The following AHNAK2 variants were observed in gnomAD, a reference collection of about 807,000 sequenced individuals.
AHNAK2 encodes the protein AHNAK nucleoprotein 2, also known as protein AHNAK2.
AHNAK2 carries 18 observed loss-of-function variants against 30.7 expected under a neutral mutation model. That is an observed-to-expected ratio of 0.59 (90% CI 0.41 to 0.87). The LOEUF (loss-of-function observed/expected upper bound fraction) is 0.87. Among genes scored for constraint, AHNAK2 ranks in the 40% least tolerant of loss-of-function variants. The pLI is 0.00. For missense variants in AHNAK2, 8,604 were observed against 7,373.0 expected (o/e 1.17, Z -6.11); for synonymous variants, 3,590 against 3,073.8 (o/e 1.17, Z -5.56).
Position 104,947,196 on chromosome 14 carries a change from T to A in AHNAK2, c.8255A>T (p.Asp2752Val). The A allele has an allele frequency of 6.2e-7, 1 of 1,611,924 alleles. No homozygotes were observed. Among genetic ancestry groups the A allele is most frequent in the Non-Finnish European group, 8.5e-7 (1 of 1,179,466 alleles). The change falls in exon 7 of 7, where the codon GAT becomes GTT. Residue 2752 changes from aspartate to valine, a missense_variant. By Grantham distance (152) the Asp-to-Val change is radical. Coordinates refer to ENST00000333244, the MANE Select transcript of AHNAK2 (RefSeq NM_138420.4). ...PEVDLKGPQI[D>V]VKGPNVDLKG... The stretch of plus-strand genomic sequence containing the variant: ...CAGGTCCACGTTGGGGCCCTTAACA[T>A]CTATCTGGGGGCCCTTGAGGTCCAC...
chr14:104,947,929 C>G lies in AHNAK2; in HGVS notation c.7522G>C (p.Val2508Leu), dbSNP rs1346095074. Residue 2508 changes from valine (V) to leucine (L), a missense_variant, in exon 7 of 7, where the codon GTG becomes CTG. Coordinates refer to ENST00000333244, the MANE Select transcript of AHNAK2 (RefSeq NM_138420.4). ...TCGGCCTCCACCTTCGGCGCAGACA[C>G]ATCCACCGAGGCCTCGATGGACTTG... is the stretch of plus-strand genomic sequence containing the variant. The part of the protein sequence containing the change: ...PGKSIEASVD[V>L]SAPKVEADGS... 3.7e-6 allele frequency: 6 copies of G among 1,612,660 alleles called. No individual in the cohort carries two copies. The African/African-American group carries it at 5.4e-5, about 14-fold the overall frequency.
chr14:104,978,275 C>T lies in AHNAK2; in HGVS notation c.-38G>A, dbSNP rs1899648488. 9 of 1,023,932 alleles carry T rather than the reference C, an allele frequency of 8.8e-6. No individual in the cohort carries two copies. Among genetic ancestry groups the T allele is most frequent in the African/African-American group, 1.7e-5 (1 of 58,258 alleles). The allele number at this position is 1,023,932 out of a possible 1,614,324, so 63.4% of individuals were successfully genotyped here. A position where few individuals can be genotyped will look rare whatever the true frequency, so the allele number is the denominator to read the frequency against. On this transcript the variant is annotated 5_prime_UTR_variant, in exon 1 of 7. Transcript: ENST00000333244. ...GCGGTGCGGGCCTGGCGGCCCGTCG[C>T]GTCCAGTCGCTGGTCCCGGCTCCGG...
Position 104,943,995 on chromosome 14 carries a change from C to G in AHNAK2, c.11456G>C (p.Gly3819Ala). The G allele has an allele frequency of 1.2e-5, 19 of 1,612,484 alleles. No individual in the cohort carries two copies. Among genetic ancestry groups the G allele is most frequent in the Non-Finnish European group, 1.6e-5 (19 of 1,179,404 alleles). The change falls in exon 7 of 7, where the codon GGC becomes GCC. Residue 3819 changes from glycine (G) to alanine (A), a missense_variant. Transcript: ENST00000333244. ...KMPSFGVSAP[G>A]KSIEASVHVS... ...GTGCACCGAGGCCTCAATGGACTTGCCTGGGGCAGACACCCCAAATGACGG... is the reference window on the plus strand; with the variant it reads ...GTGCACCGAGGCCTCAATGGACTTGGCTGGGGCAGACACCCCAAATGACGG...
intron 1 of AHNAK2, among the ~76,000 whole-genome samples, chr14:104,976,333 G>A (rs1170294122): frequency 6.6e-6 from 1 of 152,206 alleles, no homozygotes; most frequent in East Asian, 1.9e-4. Flanking sequence ...TCCCTGCTGG[G>A]CTGGTGCCTG....
In AHNAK2 at chr14:104,944,420, C is replaced by G; in HGVS notation, c.11031G>C (p.Met3677Ile). 1 of 1,613,032 alleles carries G rather than the reference C, an allele frequency of 6.2e-7. No homozygotes were observed. Among genetic ancestry groups the G allele is most frequent in the South Asian group, 1.1e-5 (1 of 91,028 alleles). Reference sequence around the variant, plus strand: ...GGTCAGTGGTCTTCAGGTCCCCCTGCATGGAGGGGAGACTCACATCGGCTT... The same window carrying G: ...GGTCAGTGGTCTTCAGGTCCCCCTGGATGGAGGGGAGACTCACATCGGCTT... ...KVEADVSLPS[M>I]QGDLKTTDLS... The change falls in exon 7 of 7, where the codon ATG (methionine) becomes ATC (isoleucine). Residue 3677 changes from methionine (M) to isoleucine (I), a missense_variant. Met to Ile is a conservative substitution (Grantham distance 10). Transcript: ENST00000333244.
chr14:104,955,728 C>T, intron 4 of AHNAK2, 95 bp from the exon 5 acceptor site: 2 of 1,461,998 alleles, frequency 1.4e-6, no homozygotes, highest in Non-Finnish European at 1.8e-6. Context: ...ATGGGCACCC[C>T]ACCATCCTTT....
In AHNAK2 at chr14:104,954,000, AC is replaced by A; in HGVS notation, c.1450del (p.Val484CysfsTer6). ...TGGTGTCTTTAAATCGTGTACTCGC[AC>A]CCTAATTTCTGGTGGGCCAATCTGT... ...GTQIGPPEIRVRVHDLKTPKF... is the reference protein window; with the variant it reads ...GTQIGPPEIRXRVHDLKTPKF... On this transcript the variant is annotated frameshift_variant, in exon 7 of 7. Coordinates refer to ENST00000333244, the MANE Select transcript of AHNAK2 (RefSeq NM_138420.4). LOFTEE classifies it low-confidence loss of function (END_TRUNC). The A allele has an allele frequency of 6.2e-7, 1 of 1,613,574 alleles. No individual in the cohort carries two copies.
In AHNAK2 at chr14:104,954,715, G is replaced by A. The variant is rs369282570; in HGVS notation, c.736C>T (p.Pro246Ser). 5 of 1,612,468 alleles carry A rather than the reference G, an allele frequency of 3.1e-6. No individual in the cohort carries two copies. In the African/African-American group the frequency reaches 6.7e-5, roughly 22 times the overall value. ...CTCTGCCTGCCTCTCCCCACCCTTG[G>A]TTTGGAGATGAGTCTCTCTTGGTCC... is the stretch of plus-strand genomic sequence containing the variant. ...DGDQERLISK[P>S]RVGRGRQSQR... Residue 246 changes from proline to serine, a missense_variant, in exon 7 of 7, where the codon CCA (proline) becomes TCA (serine). Coordinates refer to ENST00000333244, the MANE Select transcript of AHNAK2 (RefSeq NM_138420.4). This position sits in a 1 kb window ranked among gnomAD's most constrained non-coding sequence, Gnocchi z 4.3.
chr14:104,956,454 C>A (rs947878339), intron 4 of AHNAK2, 134 bp downstream of exon 4: 1 of 829,780 alleles, frequency 1.2e-6, no homozygotes, highest in African/African-American at 1.7e-5. Flanking sequence ...GACAAGAACA[C>A]CCCTCCTCCC....
At chr14:104,973,788 G>A (rs1899532845) in intron 1 of AHNAK2, among the ~76,000 whole-genome samples, 1 of 152,218 alleles carries the variant, frequency 6.6e-6, no homozygotes, top group African/African-American at 2.4e-5. Flanking sequence ...CAAGAGCTCT[G>A]CAGAGAGGAG....
rs544730907 is a variant in AHNAK2 at position 104,948,724 on chromosome 14, T to A, written c.6727A>T (p.Ser2243Cys). The change falls in exon 7 of 7, where the codon AGT becomes TGT. Residue 2243 changes from serine to cysteine, a missense_variant. Transcript: ENST00000333244. ...AGGTCCACTTTGGGCACCTTGAAACTGGGCATCTGCAGCTTGGGCAGGTGC... is the reference window on the plus strand; with the variant it reads ...AGGTCCACTTTGGGCACCTTGAAACAGGGCATCTGCAGCTTGGGCAGGTGC... ...KGHLPKLQMP[S>C]FKVPKVDLKG... The A allele has an allele frequency of 6.2e-7, 1 of 1,611,534 alleles. No individual in the cohort carries two copies. The highest frequency in any genetic ancestry group is 1.1e-5 in the South Asian group (1 of 91,026).
chr14:104,949,567 T>C lies in AHNAK2; in HGVS notation c.5884A>G (p.Lys1962Glu), dbSNP rs769923567. 1.6e-5 allele frequency: 25 copies of C among 1,586,742 alleles called. 2 individuals are homozygous for C. The African/African-American group carries it at 2.9e-4, about 18-fold the overall frequency. The change falls in exon 7 of 7, where the codon AAG (lysine) becomes GAG (glutamate). Residue 1962 changes from lysine (K) to glutamate (E), a missense_variant. Coordinates refer to ENST00000333244, the MANE Select transcript of AHNAK2 (RefSeq NM_138420.4). The stretch of plus-strand genomic sequence containing the variant: ...AGCCGCGCACCATCCAGCTTAGCCT[T>C]CTGGGCCTGGACATCCACCTCCATG... ...PSMEVDVQAQ[K>E]AKLDGARLEG...
In AHNAK2 at chr14:104,940,159, C is replaced by G; in HGVS notation, c.15292G>C (p.Gly5098Arg). ...GATCTGAGATCAGGTTTGGCAAAGCCCAAACTGGGAATGTGGACCTGTGGC... is the reference window on the plus strand; with the variant it reads ...GATCTGAGATCAGGTTTGGCAAAGCGCAAACTGGGAATGTGGACCTGTGGC... ...HRPQVHIPSLGFAKPDLRSSK... is the reference protein window; with the variant it reads ...HRPQVHIPSLRFAKPDLRSSK... The change falls in exon 7 of 7, where the codon GGC becomes CGC. Residue 5098 changes from glycine to arginine, a missense_variant. Coordinates refer to ENST00000333244, the MANE Select transcript of AHNAK2 (RefSeq NM_138420.4). This position sits in a 1 kb window ranked among gnomAD's most constrained non-coding sequence, Gnocchi z 4.4. 1.2e-6 allele frequency: 2 copies of G among 1,613,510 alleles called. No homozygotes were observed. Among genetic ancestry groups the G allele is most frequent in the African/African-American group, 2.7e-5 (2 of 75,056 alleles).
Position 104,949,913 on chromosome 14 carries a change from C to T in AHNAK2, c.5538G>A (p.Val1846=). The stretch of plus-strand genomic sequence containing the variant: ...CCTCCACCTTCGGCGCAGACACATC[C>T]ACCGAGGCCTCGATGGACTTGCCTG... ...SAPGKSIEAS[V]DVSAPKVEAE... is the part of the protein sequence containing the mutation. The change falls in exon 7 of 7, where the codon GTG becomes GTA. Residue 1846 remains valine (V), a synonymous_variant. Transcript: ENST00000333244. The T allele has an allele frequency of 6.3e-7, 1 of 1,589,730 alleles. No homozygotes were observed. Among genetic ancestry groups the T allele is most frequent in the Non-Finnish European group, 8.6e-7 (1 of 1,163,870 alleles).
chr14:104,947,635 C>T lies in AHNAK2; in HGVS notation c.7816G>A (p.Asp2606Asn), dbSNP rs766218889. 9 of 1,613,098 alleles carry T rather than the reference C, an allele frequency of 5.6e-6. No individual in the cohort carries two copies. The highest frequency in any genetic ancestry group is 1.7e-4 in the Middle Eastern group (1 of 6,054). ...ATGCTGGACAGAGACATCTCCACATCGGGGGCTGTCACTTCCGCCTTGGGG... is the reference window on the plus strand; with the variant it reads ...ATGCTGGACAGAGACATCTCCACATTGGGGGCTGTCACTTCCGCCTTGGGG... ...KGPKAEVTAPDVEMSLSSMEV... is the reference protein window; with the variant it reads ...KGPKAEVTAPNVEMSLSSMEV... The change falls in exon 7 of 7, where the codon GAT becomes AAT. Residue 2606 changes from aspartate (D) to asparagine (N), a missense_variant. Physicochemically the swap from Asp to Asn is conservative, Grantham distance 23 (BLOSUM62 1). Transcript: ENST00000333244.
rs747782595 is a variant in AHNAK2, at chr14:104,953,484, C to A, written c.1967G>T (p.Arg656Leu). The change falls in exon 7 of 7, where the codon CGC (arginine) becomes CTC (leucine). Residue 656 changes from arginine to leucine, a missense_variant. Arg to Leu is a moderately radical substitution (Grantham distance 102, BLOSUM62 -2). Transcript: ENST00000333244. ...TGTCAGAATTTGTTCCTTTTTTAAG[C>A]GTTTTTCATCGTGTATTAGTTGTAT... Reference protein sequence around the residue: ...TKIQLIHDEKRLKKEQILTEK... With the variant: ...TKIQLIHDEKLLKKEQILTEK... The A allele has an allele frequency of 3.1e-6, 5 of 1,613,812 alleles. No homozygotes were observed. Among genetic ancestry groups the A allele is most frequent in the Non-Finnish European group, 4.2e-6 (5 of 1,179,894 alleles).
intron 1 of AHNAK2, among the ~76,000 whole-genome samples, chr14:104,963,841 GAAAA>G (rs1021818717): frequency 7.6e-6 from 1 of 132,398 alleles, no homozygotes; most frequent in Non-Finnish European, 1.6e-5. Flanking sequence ...AAAAAAAAAA[GAAAA>G]AAAAAAGAGA....
rs1241049742 is a variant in AHNAK2, at chr14:104,938,121, T to G, written c.17330A>C (p.Gln5777Pro). 1 of 1,613,920 alleles carries G rather than the reference T, an allele frequency of 6.2e-7. No homozygotes were observed. The highest frequency in any genetic ancestry group is 8.5e-7 in the Non-Finnish European group (1 of 1,179,918). ...AARTELILPEQDRKADDESKG... is the reference protein window; with the variant it reads ...AARTELILPEPDRKADDESKG... ...GCTTTCATCGTCAGCTTTTCTGTCC[T>G]GCTCGGGCAGGATTAACTCTGTTCT... Residue 5777 changes from glutamine to proline, a missense_variant, in exon 7 of 7, where the codon CAG becomes CCG. Transcript: ENST00000333244.
At position 104,954,248 on chromosome 14, in the gene AHNAK2, G is replaced by A; in HGVS notation, c.1203C>T (p.Asp401=). The change falls in exon 7 of 7, where the codon GAC becomes GAT. Residue 401 remains aspartate, a synonymous_variant. Coordinates refer to ENST00000333244, the MANE Select transcript of AHNAK2 (RefSeq NM_138420.4). This position sits in a 1 kb window ranked among gnomAD's most constrained non-coding sequence, Gnocchi z 4.3. The part of the protein sequence containing the change: ...QSMPLPTELG[D]PRLCEGTPQE... ...GAGGGGTTCCCTCGCAAAGTCTAGG[G>A]TCACCGAGCTCTGTGGGCAATGGCA... 6.2e-7 allele frequency: 1 copy of A among 1,612,638 alleles called. No homozygotes were observed. The highest frequency in any genetic ancestry group is 1.1e-5 in the South Asian group (1 of 91,084).
Sources: gnomAD v4.1 joint callset for allele counts (sites outside exome capture counted in the v4.1 genomes callset) on GRCh38, gnomAD v4.1.1 for gene constraint, Gnocchi (gnomAD v3.1) non-coding constraint, MANE v1.5 for transcripts, NCBI Gene and HGNC (gene_info 2026-07-23, HGNC 2026-07-21) for gene names.